EXT1: variants seen among roughly 807,000 people sequenced by gnomAD.
EXT1 encodes the protein exostosin glycosyltransferase 1.
EXT1 carries 20 observed loss-of-function variants against 82.5 expected under a neutral mutation model. The ratio of observed to expected loss-of-function variants is 0.24; its 90% CI spans 0.17 to 0.35. EXT1 has a LOEUF of 0.35. EXT1 is among the 10% of genes least tolerant of loss of function. The pLI is 1.00. For missense variants in EXT1, 757 were observed against 936.5 expected, an observed-to-expected ratio of 0.81 and a Z score of 2.50; for synonymous variants, 348 against 350.8, an observed-to-expected ratio of 0.99 and a Z score of 0.09.
At chr8:117,981,353 T>C (rs1312666591) in intron 1 of EXT1, among the ~76,000 whole-genome samples, 1 of 152,222 alleles carries the variant, frequency 6.6e-6, no homozygotes, top group Admixed American at 6.5e-5. Context: ...TTATAATGCA[T>C]GAGTAAGGTT....
intron 1 of EXT1, among the ~76,000 whole-genome samples, chr8:118,012,310 C>A (rs139418714): frequency 1.2e-4 from 19 of 152,316 alleles, no homozygotes; most frequent in Non-Finnish European, 2.8e-4. Context: ...GTTTCTTCCA[C>A]GGGGCTAAGG....
At chr8:118,051,949 ACT>A (rs1268888085) in intron 1 of EXT1, among the ~76,000 whole-genome samples, 2 of 152,200 alleles carry the variant, frequency 1.3e-5, no homozygotes, top group African/African-American at 2.4e-5. Flanking sequence ...CATACTGCAC[ACT>A]TCCTAAAAAG....
intron 1 of EXT1, among the ~76,000 whole-genome samples, chr8:118,073,149 T>C (rs1586377365): frequency 6.6e-6 from 1 of 152,224 alleles, no homozygotes; most frequent in South Asian, 2.1e-4. Flanking sequence ...GGAAAATATA[T>C]TCACTTAGTA....
intron 1 of EXT1, among the ~76,000 whole-genome samples, chr8:117,889,689 T>G (rs13280053): frequency 0.5 from 75,913 of 151,982 alleles, 19,288 homozygotes; most frequent in Middle Eastern, 0.61. Context: ...TGCTGGCAGA[T>G]TAGATGTGTT....
intron 1 of EXT1, among the ~76,000 whole-genome samples, chr8:117,981,344 T>C (rs1815198578): frequency 6.6e-6 from 1 of 152,218 alleles, no homozygotes; most frequent in South Asian, 2.1e-4. Flanking sequence ...CTAAGCAAAT[T>C]ATAATGCATG....
At chr8:118,047,111 C>T (rs1294494107) in intron 1 of EXT1, among the ~76,000 whole-genome samples, 2 of 152,104 alleles carry the variant, frequency 1.3e-5, no homozygotes, top group African/African-American at 2.4e-5. Flanking sequence ...GCATTAAAAT[C>T]GCCTGGGGAA....
chr8:117,923,185 C>A lies in EXT1; in HGVS notation c.963-85984G>T, dbSNP rs1217119188. Among the ~76,000 whole-genome samples the A allele has an allele frequency of 2.6e-5, 4 of 151,982 alleles. No individual in the cohort carries two copies. The East Asian group carries it at 7.8e-4, about 30-fold the overall frequency. ...ACTAAAAATACAAAAATTAGCTGGGCGTGGTGGTGGGTCCCTGTAATCCCC... is the reference window on the plus strand; with the variant it reads ...ACTAAAAATACAAAAATTAGCTGGGAGTGGTGGTGGGTCCCTGTAATCCCC... On this transcript the variant is annotated intron_variant, in intron 1 of 10. Transcript: ENST00000378204.
At chr8:117,821,876 C>T (rs1016220724) in intron 5 of EXT1, among the ~76,000 whole-genome samples, 15 of 152,122 alleles carry the variant, frequency 9.9e-5, no homozygotes, top group Admixed American at 5.2e-4. Context: ...TTTATCCCTC[C>T]GCCATTCCCT....
chr8:117,959,728 A>G (rs766201768), intron 1 of EXT1, among the ~76,000 whole-genome samples: 6 of 152,230 alleles, frequency 3.9e-5, no homozygotes, highest in Non-Finnish European at 8.8e-5. Flanking sequence ...TGCTCAAACC[A>G]CAGTGAATCA....
chr8:117,836,297 G>A (rs1219620193), intron 2 of EXT1, among the ~76,000 whole-genome samples: 1 of 152,212 alleles, frequency 6.6e-6, no homozygotes, highest in Non-Finnish European at 1.5e-5. Flanking sequence ...AACACACACA[G>A]AGAGCAACTT....
chr8:117,878,214 T>C (rs979466656), intron 1 of EXT1, among the ~76,000 whole-genome samples: 2 of 152,162 alleles, frequency 1.3e-5, no homozygotes, highest in Admixed American at 6.5e-5. Flanking sequence ...GTGGAGGTTA[T>C]AGTGAATAGA....
At chr8:117,818,812 A>C (rs769261498) in intron 6 of EXT1, among the ~76,000 whole-genome samples, 8 of 152,188 alleles carry the variant, frequency 5.3e-5, no homozygotes, top group Non-Finnish European at 1.0e-4. Flanking sequence ...AAGCTGCAGG[A>C]AAAAGAATTA....
intron 1 of EXT1, among the ~76,000 whole-genome samples, chr8:117,874,824 G>C (rs1410924370): frequency 1.3e-5 from 2 of 152,126 alleles, no homozygotes; most frequent in East Asian, 1.9e-4. Flanking sequence ...CACAGATACA[G>C]GTGACTGCAT....
At chr8:117,852,120 G>T (rs1175848620) in intron 1 of EXT1, among the ~76,000 whole-genome samples, 1 of 152,176 alleles carries the variant, frequency 6.6e-6, no homozygotes, top group Non-Finnish European at 1.5e-5. Context: ...GGAAATTGAG[G>T]ATTACACCTA....
chr8:118,050,794 G>A lies in EXT1; in HGVS notation c.962+59291C>T, dbSNP rs1816705052. On this transcript the variant is annotated intron_variant, in intron 1 of 10. Transcript: ENST00000378204. ...CCACAGACTCTAATTTGCCACACCA[G>A]GTCTACACCATCCATAAATAATATC... Among the ~76,000 whole-genome samples the A allele has an allele frequency of 2.0e-5, 3 of 152,184 alleles. No homozygotes were observed. The South Asian group carries it at 6.2e-4, about 32-fold the overall frequency.
At chr8:117,850,862 C>T (rs902502001) in intron 1 of EXT1, among the ~76,000 whole-genome samples, 3 of 152,090 alleles carry the variant, frequency 2.0e-5, no homozygotes, top group Non-Finnish European at 4.4e-5. Flanking sequence ...TTCCAAAACA[C>T]CCCAAGGGTA....
chr8:117,906,286 T>A (rs1393001394), intron 1 of EXT1, among the ~76,000 whole-genome samples: 1 of 152,174 alleles, frequency 6.6e-6, no homozygotes, highest in Non-Finnish European at 1.5e-5. Flanking sequence ...TCGGAACCCA[T>A]CTAAATACTA....
intron 4 of EXT1, among the ~76,000 whole-genome samples, chr8:117,828,399 A>G (rs1261997367): frequency 6.6e-6 from 1 of 152,130 alleles, no homozygotes; most frequent in Non-Finnish European, 1.5e-5. Context: ...AAAATGAAAA[A>G]TTAGCCAGGC....
chr8:118,055,881 A>G (rs1427600141), intron 1 of EXT1, among the ~76,000 whole-genome samples: 2 of 152,176 alleles, frequency 1.3e-5, no homozygotes, highest in Non-Finnish European at 2.9e-5. Context: ...AGAAATTCCT[A>G]TGATTTCTGC....
Sources: gnomAD v4.1 joint callset for allele counts (sites outside exome capture counted in the v4.1 genomes callset) on GRCh38, gnomAD v4.1.1 for gene constraint, MANE v1.5 for transcripts, NCBI Gene and HGNC (gene_info 2026-07-23, HGNC 2026-07-21) for gene names.